The following PRR35 variants were observed in gnomAD, a reference collection of about 807,000 sequenced individuals.
PRR35 encodes the protein proline rich 35.
A neutral mutation model predicts 18.6 loss-of-function variants in PRR35; 14 were observed. The ratio of observed to expected loss-of-function variants is 0.75; its 90% CI spans 0.50 to 1.18. PRR35 has a LOEUF of 1.18. PRR35 is among the 50% of genes most tolerant of loss of function. The pLI, the probability that PRR35 is intolerant of heterozygous loss-of-function variation, is 0.00. For missense variants in PRR35, 832 were observed against 792.2 expected (o/e 1.05, Z -0.60); for synonymous variants, 425 against 378.2 (o/e 1.12, Z -1.43).
rs1316505763 is a variant in PRR35 at position 564,137 on chromosome 16, T to C, written c.843T>C (p.Ala281=). 1 of 1,575,334 alleles carries C rather than the reference T, an allele frequency of 6.3e-7. No individual in the cohort carries two copies. Among genetic ancestry groups the C allele is most frequent in the Non-Finnish European group, 8.6e-7 (1 of 1,168,708 alleles). ...EHTLGLPAGK[A]ALAKAPVSPR... ...CTCTGGGGCTGCCAGCAGGCAAAGC[T>C]GCCCTTGCCAAGGCCCCTGTCTCCC... The change falls in exon 2 of 3, where the codon GCT becomes GCC. Residue 281 remains alanine (A), a synonymous_variant. Coordinates refer to ENST00000409413, the MANE Select transcript of PRR35 (RefSeq NM_145270.3).
intron 1 of PRR35, among the ~76,000 whole-genome samples, chr16:561,403 C>T (rs1439549971): frequency 2.0e-5 from 3 of 152,136 alleles, no homozygotes; most frequent in Admixed American, 6.6e-5. Flanking sequence ...GGCACAGCCG[C>T]CTCTGTCGCC....
At chr16:563,035 CTTTTTTTTTT>C (rs61007293) in intron 1 of PRR35, among the ~76,000 whole-genome samples, 65 of 131,030 alleles carry the variant, frequency 5.0e-4, no homozygotes, top group South Asian at 1.0e-3. Context: ...CTGTCCTGGA[CTTTTTTTTTT>C]TTTTTTGGTG....
chr16:561,448 G>T (rs1044766402), intron 1 of PRR35, among the ~76,000 whole-genome samples: 6 of 144,536 alleles, frequency 4.2e-5, no homozygotes, highest in South Asian at 2.1e-4. Context: ...CCACATGGGT[G>T]GGGGGGGCGG....
In PRR35 at chr16:564,587, A is replaced by G. The variant is rs990665229; in HGVS notation, c.1083-87A>G. 25 of 1,424,450 alleles carry G rather than the reference A, an allele frequency of 1.8e-5. No individual in the cohort carries two copies. The South Asian group carries it at 3.2e-4, about 18-fold the overall frequency. The allele number at this position is 1,424,450 out of a possible 1,614,324, so 88.2% of individuals were successfully genotyped here. ...AGAGCCTAGGCTCTAGGCTGGGGCC[A>G]CAGGGCAGAGGCCGTGAGGGGAGAG... is the stretch of plus-strand genomic sequence containing the variant. On this transcript the variant is annotated intron_variant, in intron 2 of 2. Coordinates refer to ENST00000409413, the MANE Select transcript of PRR35 (RefSeq NM_145270.3).
rs1324351240 is a variant in PRR35 at position 564,152 on chromosome 16, C to T, written c.858C>T (p.Ala286=). Residue 286 remains alanine (A), a synonymous_variant, in exon 2 of 3, where the codon GCC becomes GCT. Transcript: ENST00000409413. ...LPAGKAALAK[A]PVSPRSPSGT... ...CAGGCAAAGCTGCCCTTGCCAAGGC[C>T]CCTGTCTCCCCCAGGAGCCCCTCTG... 12 of 1,568,648 alleles carry T rather than the reference C, an allele frequency of 7.6e-6. No individual in the cohort carries two copies. Among genetic ancestry groups the T allele is most frequent in the East Asian group, 2.3e-5 (1 of 42,652 alleles).
chr16:560,177 G>C (rs1567167701), upstream of PRR35, among the ~76,000 whole-genome samples: 3 of 150,734 alleles, frequency 2.0e-5, no homozygotes, highest in Admixed American at 2.0e-4. Context: ...TGCCTCCCGG[G>C]TTCCCGGCCG....
At position 565,058 on chromosome 16, in the gene PRR35, G is replaced by A; in HGVS notation, c.1467G>A (p.Leu489=). 1 of 1,595,078 alleles carries A rather than the reference G, an allele frequency of 6.3e-7. No individual in the cohort carries two copies. The highest frequency in any genetic ancestry group is 8.5e-7 in the Non-Finnish European group (1 of 1,171,134). ...ALGEAWGRPE[L]GPVLTGGTPE... is the part of the protein sequence containing the mutation. ...GAGAGGCGTGGGGGCGGCCCGAGCT[G>A]GGTCCCGTGTTGACCGGGGGCACCC... is the stretch of plus-strand genomic sequence containing the variant. Residue 489 remains leucine, a synonymous_variant, in exon 3 of 3, where the codon CTG becomes CTA. Coordinates refer to ENST00000409413, the MANE Select transcript of PRR35 (RefSeq NM_145270.3).
Position 560,631 on chromosome 16 carries a change from A to C in PRR35, c.-70A>C, listed in dbSNP as rs1236514583. 2 of 981,880 alleles carry C rather than the reference A, an allele frequency of 2.0e-6. No homozygotes were observed. The highest frequency in any genetic ancestry group is 2.4e-6 in the Non-Finnish European group (2 of 828,742). 60.8% of individuals were successfully genotyped at this position (981,880 alleles called of 1,614,324 possible). On this transcript the variant is annotated 5_prime_UTR_variant, in exon 1 of 3. Coordinates refer to ENST00000409413, the MANE Select transcript of PRR35 (RefSeq NM_145270.3). Reference sequence around the variant, plus strand: ...TTGCGCCCTACACGCGGCCTCGCAGACTTGGCGGCTCCGCTCCCGGCCGGG... The same window carrying C: ...TTGCGCCCTACACGCGGCCTCGCAGCCTTGGCGGCTCCGCTCCCGGCCGGG...
intron 2 of PRR35, 118 bp downstream of exon 2, chr16:564,494 G>A: frequency 6.9e-7 from 1 of 1,448,660 alleles, no homozygotes; most frequent in Non-Finnish European, 9.2e-7. Context: ...CGCTGGGAAA[G>A]TGGGCTCCAG....
intron 1 of PRR35, among the ~76,000 whole-genome samples, chr16:562,527 A>G (rs2035453519): frequency 8.2e-6 from 1 of 122,224 alleles, no homozygotes; most frequent in East Asian, 3.3e-4. Flanking sequence ...ACAGGCGCAC[A>G]CACGTGTGCA....
chr16:560,937 G>GGGT (rs2035423371), intron 1 of PRR35, among the ~76,000 whole-genome samples: 1 of 151,738 alleles, frequency 6.6e-6, no homozygotes, highest in African/African-American at 2.4e-5. Flanking sequence ...GCGTTCCCGG[G>GGGT]GGGGGGGGCA....
chr16:563,857 C>T lies in PRR35; in HGVS notation c.563C>T (p.Pro188Leu). Residue 188 changes from proline to leucine, a missense_variant, in exon 2 of 3, where the codon CCC (proline) becomes CTC (leucine). Pro to Leu is a moderately conservative substitution (Grantham distance 98). Transcript: ENST00000409413. Reference sequence around the variant, plus strand: ...TCAGCAGGCCCTGAGGGCAGCGTCCCCTGCTATCCCCCGCCTGCCCCAGGG... The same window carrying T: ...TCAGCAGGCCCTGAGGGCAGCGTCCTCTGCTATCCCCCGCCTGCCCCAGGG... ...MASAGPEGSV[P>L]CYPPPAPGEF... 1.3e-6 allele frequency: 2 copies of T among 1,542,280 alleles called. No individual in the cohort carries two copies. The highest frequency in any genetic ancestry group is 8.8e-7 in the Non-Finnish European group (1 of 1,141,570).
upstream of PRR35, among the ~76,000 whole-genome samples, chr16:560,194 C>T (rs1483830351): frequency 1.3e-5 from 2 of 150,532 alleles, no homozygotes; most frequent in Non-Finnish European, 3.0e-5. Context: ...GCCGCTCCAC[C>T]GCGCGCCCCG....
Position 564,227 on chromosome 16 carries a change from C to T in PRR35, c.933C>T (p.Pro311=). ...AGGTGCCAGTTCCAGGGCTGGGGCC[C>T]TGGCCCCGAGTCACCCCCAGGGACC... is the stretch of plus-strand genomic sequence containing the variant. The part of the protein sequence containing the change: ...LLKVPVPGLG[P]WPRVTPRDPG... The change falls in exon 2 of 3, where the codon CCC becomes CCT. Residue 311 remains proline, a synonymous_variant. Transcript: ENST00000409413. The T allele has an allele frequency of 6.4e-7, 1 of 1,570,672 alleles. No homozygotes were observed. Among genetic ancestry groups the T allele is most frequent in the Non-Finnish European group, 8.6e-7 (1 of 1,164,112 alleles).
chr16:562,462 A>ACATGCACT (rs1446776197), intron 1 of PRR35, among the ~76,000 whole-genome samples: 4 of 152,224 alleles, frequency 2.6e-5, no homozygotes, highest in Non-Finnish European at 4.4e-5. Flanking sequence ...ACACATGCAC[A>ACATGCACT]CACAATGCAC....
At position 563,750 on chromosome 16, in the gene PRR35, C is replaced by T. The variant is rs761386754; in HGVS notation, c.456C>T (p.Pro152=). Reference sequence around the variant, plus strand: ...TGGCTAGGGCCACCCGGAAGGGTCCCGGCCCCAGTGGGCTCCTGCCTGAGT... The same window carrying T: ...TGGCTAGGGCCACCCGGAAGGGTCCTGGCCCCAGTGGGCTCCTGCCTGAGT... ...PPVARATRKG[P]GPSGLLPESW... is the part of the protein sequence containing the mutation. Residue 152 remains proline (P), a synonymous_variant, in exon 2 of 3, where the codon CCC becomes CCT. Coordinates refer to ENST00000409413, the MANE Select transcript of PRR35 (RefSeq NM_145270.3). 2.5e-5 allele frequency: 38 copies of T among 1,515,184 alleles called. No individual in the cohort carries two copies. In the African/African-American group the frequency reaches 3.6e-4, roughly 14 times the overall value. 93.9% of individuals were successfully genotyped at this position (1,515,184 alleles called of 1,614,324 possible). A position where few individuals can be genotyped will look rare whatever the true frequency, so the allele number is the denominator to read the frequency against.
At position 563,932 on chromosome 16, in the gene PRR35, A is replaced by G; in HGVS notation, c.638A>G (p.Tyr213Cys). The change falls in exon 2 of 3, where the codon TAC becomes TGC. Residue 213 changes from tyrosine to cysteine, a missense_variant. This residue lies in a region of PRR35 where 768 missense variants were observed against 704.1 expected (regional missense o/e 1.09). Coordinates refer to ENST00000409413, the MANE Select transcript of PRR35 (RefSeq NM_145270.3). ...CACCTGTCTCTGCTGGGCGTCAACT[A>G]CCCGCTCAGCCCCGGCCTCTTCTCC... ...SLHLSLLGVN[Y>C]PLSPGLFSYL... 6.3e-7 allele frequency: 1 copy of G among 1,593,166 alleles called. No individual in the cohort carries two copies. Among genetic ancestry groups the G allele is most frequent in the East Asian group, 2.3e-5 (1 of 43,562 alleles).
chr16:565,042 G>C lies in PRR35; in HGVS notation c.1451G>C (p.Trp484Ser). 1 of 1,596,940 alleles carries C rather than the reference G, an allele frequency of 6.3e-7. No homozygotes were observed. The highest frequency in any genetic ancestry group is 8.5e-7 in the Non-Finnish European group (1 of 1,172,600). The change falls in exon 3 of 3, where the codon TGG (tryptophan) becomes TCG (serine). Residue 484 changes from tryptophan to serine, a missense_variant. Physicochemically the swap from Trp to Ser is radical, Grantham distance 177. Around this residue, in one of 3 missense-constraint regions of PRR35, gnomAD observed 768 missense variants for 704.1 expected, o/e 1.09. Coordinates refer to ENST00000409413, the MANE Select transcript of PRR35 (RefSeq NM_145270.3). ...AKGPQALGEA[W>S]GRPELGPVLT... The stretch of plus-strand genomic sequence containing the variant: ...GGGCCCCAGGCTCTTGGAGAGGCGT[G>C]GGGGCGGCCCGAGCTGGGTCCCGTG...
At chr16:562,545 GCACA>G (rs2035454971) in intron 1 of PRR35, among the ~76,000 whole-genome samples, 4 of 150,260 alleles carry the variant, frequency 2.7e-5, no homozygotes, top group Non-Finnish European at 5.9e-5. Context: ...GCACACACAC[GCACA>G]TGCACGCACA....
Sources: allele counts gnomAD v4.1 joint callset (sites outside exome capture counted in the v4.1 genomes callset), GRCh38; gene constraint gnomAD v4.1.1; regional missense constraint gnomAD v4.1.1; transcripts MANE v1.5; gene names NCBI Gene and HGNC (gene_info 2026-07-23, HGNC 2026-07-21).